EDIL3: variants seen among roughly 807,000 people sequenced by gnomAD.
The protein encoded by EDIL3 is EGF like and discoidin domains 3.
Under a neutral mutation model 67.4 loss-of-function variants are expected in EDIL3, and 37 were observed. The observed-to-expected ratio is 0.55, with a 90% CI of 0.42 to 0.72. The LOEUF is 0.72. Among genes scored for constraint, EDIL3 ranks in the 30% least tolerant of loss-of-function variants. EDIL3 has a pLI of 0.00. For synonymous variants in EDIL3, 195 were observed against 196.3 expected (o/e 0.99, Z 0.05); for missense variants, 527 against 586.3 (o/e 0.90, Z 1.04).
At chr5:83,946,928 C>G (rs897368206) in intron 10 of EDIL3, among the ~76,000 whole-genome samples, 2 of 151,798 alleles carry the variant, frequency 1.3e-5, no homozygotes, top group African/African-American at 4.8e-5. Context: ...AAAGAGATTA[C>G]CATTGTTCTA....
chr5:84,032,409 T>A lies in EDIL3; in HGVS notation c.1137+27891A>T, dbSNP rs542633829. ...TTCTGAGTTACTTGAGAGTTCTGCA[T>A]GAAAAATAGGTTCCAATAGGTGAAA... On this transcript the variant is annotated intron_variant, in intron 9 of 10. Coordinates refer to ENST00000296591, the MANE Select transcript of EDIL3 (RefSeq NM_005711.5). 2.9e-4 allele frequency among the ~76,000 whole-genome samples: 44 copies of A among 152,318 alleles called. No homozygotes were observed. In the South Asian group the frequency reaches 4.6e-3, roughly 16 times the overall value.
At chr5:84,046,839 G>A (rs917207664) in intron 9 of EDIL3, among the ~76,000 whole-genome samples, 1 of 152,180 alleles carries the variant, frequency 6.6e-6, no homozygotes, top group Non-Finnish European at 1.5e-5. Flanking sequence ...GAGCAGGTCT[G>A]CTGTGCACAT....
rs908942241 is a variant in EDIL3 at position 84,005,891 on chromosome 5, G to A, written c.1138-42531C>T. ...ACAGGAAGTTAAACTATCTCTCCTC[G>A]CAGATGATATGATTTTATATCTAGA... On this transcript the variant is annotated intron_variant, in intron 9 of 10. Coordinates refer to ENST00000296591, the MANE Select transcript of EDIL3 (RefSeq NM_005711.5). Among the ~76,000 whole-genome samples the A allele has an allele frequency of 9.2e-5, 14 of 151,882 alleles. No homozygotes were observed. The East Asian group carries it at 1.9e-3, about 21-fold the overall frequency.
chr5:84,323,200 G>C (rs556503111), intron 1 of EDIL3, among the ~76,000 whole-genome samples: 21 of 152,066 alleles, frequency 1.4e-4, no homozygotes, highest in African/African-American at 4.8e-4. Context: ...GAATTTAATA[G>C]AGTAATGCAT....
In EDIL3 at chr5:83,955,765, T is replaced by C. The variant is rs546647347; in HGVS notation, c.1293+7440A>G. ...ATGTATATTTGTTTCTACCACCTAA[T>C]TGTTGTTAGACAGCTTTCTGCTTTT... On this transcript the variant is annotated intron_variant, in intron 10 of 10. Transcript: ENST00000296591. 7.2e-5 allele frequency among the ~76,000 whole-genome samples: 11 copies of C among 151,900 alleles called. No homozygotes were observed. In the South Asian group the frequency reaches 2.3e-3, roughly 32 times the overall value.
chr5:84,320,445 T>C (rs1746612587), intron 1 of EDIL3, among the ~76,000 whole-genome samples: 1 of 151,934 alleles, frequency 6.6e-6, no homozygotes, highest in Non-Finnish European at 1.5e-5. Context: ...GGAAGCTGTA[T>C]ATTCGCTCAA....
At chr5:84,319,701 CA>C (rs1450747302) in intron 1 of EDIL3, among the ~76,000 whole-genome samples, 2 of 152,090 alleles carry the variant, frequency 1.3e-5, no homozygotes, top group Non-Finnish European at 2.9e-5. Flanking sequence ...ACATTGCACA[CA>C]TATGTTTACT....
At chr5:84,116,654 T>A (rs1747671323) in intron 5 of EDIL3, among the ~76,000 whole-genome samples, 1 of 152,208 alleles carries the variant, frequency 6.6e-6, no homozygotes, top group Non-Finnish European at 1.5e-5. Context: ...CAAATAAAAT[T>A]GCCACAAATG....
chr5:84,312,327 T>C (rs534627978), intron 1 of EDIL3, among the ~76,000 whole-genome samples: 36 of 81,626 alleles, frequency 4.4e-4, no homozygotes, highest in East Asian at 1.7e-3. Context: ...GCTGGCCGGG[T>C]GGGGGGCTGA....
intron 1 of EDIL3, among the ~76,000 whole-genome samples, chr5:84,336,564 G>GTAAA (rs1368164725): frequency 1.8e-4 from 27 of 152,210 alleles, no homozygotes; most frequent in African/African-American, 6.3e-4. Context: ...TGGAAAAACA[G>GTAAA]TAAAATATTA....
intron 10 of EDIL3, among the ~76,000 whole-genome samples, chr5:83,950,636 C>T (rs745811987): frequency 2.0e-5 from 3 of 151,820 alleles, no homozygotes; most frequent in Non-Finnish European, 1.5e-5. Flanking sequence ...AGGTTCTACT[C>T]TCTCTATTTT....
chr5:84,200,926 CAAGT>C (rs1743818578), intron 3 of EDIL3, among the ~76,000 whole-genome samples: 2 of 152,002 alleles, frequency 1.3e-5, no homozygotes, highest in African/African-American at 4.8e-5. Context: ...AATTATTTAT[CAAGT>C]AATTCCATAC....
chr5:84,359,145 A>C (rs1747547805), intron 1 of EDIL3, among the ~76,000 whole-genome samples: 3 of 152,220 alleles, frequency 2.0e-5, no homozygotes, highest in Admixed American at 2.0e-4. Flanking sequence ...AGTCTAAGAT[A>C]GTTTAAATAT....
chr5:84,319,519 A>AAG (rs1746587931), intron 1 of EDIL3, among the ~76,000 whole-genome samples: 1 of 47,338 alleles, frequency 2.1e-5, no homozygotes, highest in African/African-American at 6.5e-5. Flanking sequence ...AAAAAAAAAA[A>AAG]AAAAGAAATA....
chr5:84,360,002 T>C (rs1747564196), intron 1 of EDIL3, among the ~76,000 whole-genome samples: 1 of 152,214 alleles, frequency 6.6e-6, no homozygotes, highest in Non-Finnish European at 1.5e-5. Context: ...ATCATACTTT[T>C]TGAATTATGT....
chr5:84,335,846 C>A lies in EDIL3; in HGVS notation c.67+48462G>T, dbSNP rs115209156. Among the ~76,000 whole-genome samples, 271 of 152,172 alleles carry A rather than the reference C, an allele frequency of 1.8e-3. 1 individual carries two copies. The highest frequency in any genetic ancestry group is 3.3e-3 in the Non-Finnish European group (222 of 67,970). On this transcript the variant is annotated intron_variant, in intron 1 of 10. Transcript: ENST00000296591. Reference sequence around the variant, plus strand: ...AATTTTTTTGTCACAGTTCTGGGGGCTGGGAAGTCCAAGATCAAGATGTCA... The same window carrying A: ...AATTTTTTTGTCACAGTTCTGGGGGATGGGAAGTCCAAGATCAAGATGTCA...
chr5:83,992,793 ATAT>A (rs1745173267), intron 9 of EDIL3, among the ~76,000 whole-genome samples: 1 of 152,040 alleles, frequency 6.6e-6, no homozygotes, highest in African/African-American at 2.4e-5. Flanking sequence ...GTAAACTAGT[ATAT>A]TATTATAATG....
At chr5:84,379,119 A>C (rs1748027315) in intron 1 of EDIL3, among the ~76,000 whole-genome samples, 2 of 152,126 alleles carry the variant, frequency 1.3e-5, no homozygotes, top group Admixed American at 6.5e-5. Context: ...CTGGAAACCG[A>C]CTATTTGGCA....
intron 1 of EDIL3, among the ~76,000 whole-genome samples, chr5:84,271,462 T>TAA (rs1561241437): frequency 7.2e-5 from 10 of 138,528 alleles, no homozygotes; most frequent in African/African-American, 2.7e-4. Context: ...TAAATAAATA[T>TAA]AAAATAAAGG....
Sources: gnomAD v4.1 joint callset for allele counts (sites outside exome capture counted in the v4.1 genomes callset) on GRCh38, gnomAD v4.1.1 for gene constraint, MANE v1.5 for transcripts, NCBI Gene and HGNC (gene_info 2026-07-23, HGNC 2026-07-21) for gene names.